The following CDCA7 variants were observed in gnomAD, a reference collection of about 807,000 sequenced individuals.
The protein encoded by CDCA7 is cell division cycle associated 7.
CDCA7 carries 28 observed loss-of-function variants against 54.0 expected under a neutral mutation model. The ratio of observed to expected loss-of-function variants is 0.52; its 90% confidence interval spans 0.38 to 0.71. The LOEUF (loss-of-function observed/expected upper bound fraction) is 0.71. Among genes scored for constraint, CDCA7 ranks in the 30% least tolerant of loss-of-function variants. The pLI is 0.00. For synonymous variants in CDCA7, 180 were observed against 208.2 expected (o/e 0.86, Z 1.16); for missense variants, 484 against 586.0 (o/e 0.83, Z 1.80).
At chr2:173,355,162 G>A (rs1168005305) in intron 1 of CDCA7, among the ~76,000 whole-genome samples, 178 bp downstream of exon 1, 1 of 152,216 alleles carries the variant, frequency 6.6e-6, no homozygotes. Flanking sequence ...GAGGGCCATG[G>A]GGACGTTCCT....
chr2:173,359,591 C>A, intron 3 of CDCA7, 100 bp downstream of exon 3: 1 of 1,051,350 alleles, frequency 9.5e-7, no homozygotes, highest in Non-Finnish European at 1.4e-6. Context: ...TTTAGTCATG[C>A]CAGCAGACTT....
chr2:173,362,919 A>T lies in CDCA7; in HGVS notation c.385-307A>T, dbSNP rs537277928. Among the ~76,000 whole-genome samples the T allele has an allele frequency of 5.6e-4, 85 of 152,278 alleles. 1 individual carries two copies. The highest frequency in any genetic ancestry group is 6.8e-3 in the Middle Eastern group (2 of 294). ...TCTTGTCAGAATTCTTTTAAAATAC[A>T]TAAAGATCTGTTTCTAAAGAAATGA... is the stretch of plus-strand genomic sequence containing the variant. On this transcript the variant is annotated intron_variant, in intron 3 of 9. Coordinates refer to ENST00000306721, the MANE Select transcript of CDCA7 (RefSeq NM_031942.5).
intron 7 of CDCA7, among the ~76,000 whole-genome samples, chr2:173,365,796 G>C (rs906269063): frequency 6.6e-6 from 1 of 152,184 alleles, no homozygotes; most frequent in Non-Finnish European, 1.5e-5. Context: ...TAGTAAGTCT[G>C]TAGTCATGGT....
At position 173,365,700 on chromosome 2, in the gene CDCA7, T is replaced by C. The variant is rs1197724206; in HGVS notation, c.1035+108T>C. ...TAAAGGGCCTAGCATGTGAAATCTG[T>C]ACCTATATGTTTTTTTCACACAAGG... is the stretch of plus-strand genomic sequence containing the variant. On this transcript the variant is annotated intron_variant, in intron 7 of 9. Coordinates refer to ENST00000306721, the MANE Select transcript of CDCA7 (RefSeq NM_031942.5). 7.6e-5 allele frequency: 94 copies of C among 1,234,572 alleles called. 1 individual carries two copies. Among genetic ancestry groups the C allele is most frequent in the Non-Finnish European group, 9.7e-5 (89 of 915,448 alleles). 76.5% of individuals were successfully genotyped at this position (1,234,572 alleles called of 1,614,324 possible).
intron 1 of CDCA7, 149 bp downstream of exon 1, chr2:173,355,133 T>C: frequency 2.1e-6 from 2 of 953,368 alleles, no homozygotes; most frequent in Non-Finnish European, 2.7e-6. Context: ...GCCCCTGATT[T>C]TGTGCACCTG....
chr2:173,358,552 A>T lies in CDCA7; in HGVS notation c.22-160A>T, dbSNP rs185717786. 9.9e-5 allele frequency: 71 copies of T among 720,070 alleles called. No individual in the cohort carries two copies. The African/African-American group carries it at 1.0e-3, about 10-fold the overall frequency. 44.6% of individuals were successfully genotyped at this position (720,070 alleles called of 1,614,324 possible). A position where few individuals can be genotyped will look rare whatever the true frequency, so the allele number is the denominator to read the frequency against. On this transcript the variant is annotated intron_variant, in intron 1 of 9. Transcript: ENST00000306721. ...TTCTTACAAAAAAAAGAAAGAAAAA[A>T]TTTTTTGTAGCAGTTAACAAACTTC...
At position 173,366,850 on chromosome 2, in the gene CDCA7, G is replaced by T. The variant is rs926498128; in HGVS notation, c.1186-300G>T. On this transcript the variant is annotated intron_variant, in intron 8 of 9. Coordinates refer to ENST00000306721, the MANE Select transcript of CDCA7 (RefSeq NM_031942.5). This position sits in a 1 kb window ranked among gnomAD's most constrained non-coding sequence, Gnocchi z 4.5. ...TGTGAGCCACCACGCCCGGCCCAGG[G>T]TGCTCTTAATTCAGAACACAAATGA... is the stretch of plus-strand genomic sequence containing the variant. 3.3e-5 allele frequency among the ~76,000 whole-genome samples: 5 copies of T among 152,110 alleles called. No homozygotes were observed. Among genetic ancestry groups the T allele is most frequent in the Non-Finnish European group, 7.4e-5 (5 of 68,014 alleles).
In CDCA7 at chr2:173,366,181, T is replaced by G. The variant is rs551832842; in HGVS notation, c.1036-102T>G. The G allele has an allele frequency of 7.4e-7, 1 of 1,349,000 alleles. No homozygotes were observed. Among genetic ancestry groups the G allele is most frequent in the Non-Finnish European group, 1.0e-6 (1 of 990,604 alleles). 83.6% of individuals were successfully genotyped at this position (1,349,000 alleles called of 1,614,324 possible). ...TGTATGTAGAGATTCATAGACAAAA[T>G]GTAAGCCTATACTACGAAGAGGGAC... On this transcript the variant is annotated intron_variant, in intron 7 of 9. Coordinates refer to ENST00000306721, the MANE Select transcript of CDCA7 (RefSeq NM_031942.5). The surrounding 1 kb of genome is among the most constrained non-coding windows in gnomAD (Gnocchi z 4.5).
rs1574222791 is a variant in CDCA7 at position 173,367,595 on chromosome 2, A to T, written c.1323-39A>T. The T allele has an allele frequency of 3.1e-6, 5 of 1,612,186 alleles. No homozygotes were observed. In the East Asian group the frequency reaches 1.1e-4, roughly 36 times the overall value. On this transcript the variant is annotated intron_variant, in intron 9 of 9. Coordinates refer to ENST00000306721, the MANE Select transcript of CDCA7 (RefSeq NM_031942.5). The stretch of plus-strand genomic sequence containing the variant: ...CTTTCAAAAGAGAATTCTTTGGTTG[A>T]AAACTATGTCCTGACACATTTCCTT...
chr2:173,359,248 T>G lies in CDCA7; in HGVS notation c.148-7T>G. 3 of 1,600,820 alleles carry G rather than the reference T, an allele frequency of 1.9e-6. No homozygotes were observed. The highest frequency in any genetic ancestry group is 2.6e-6 in the Non-Finnish European group (3 of 1,171,772). On this transcript the variant is annotated splice_region_variant and splice_polypyrimidine_tract_variant and intron_variant, in intron 2 of 9. Coordinates refer to ENST00000306721, the MANE Select transcript of CDCA7 (RefSeq NM_031942.5). ...TGCACAACCGCATTTATTTATTTAT[T>G]TTACAGAAACCTAAATTCAGGTCAG...
chr2:173,359,121 A>G, intron 2 of CDCA7, 134 bp from the exon 3 acceptor site: 1 of 802,548 alleles, frequency 1.2e-6, no homozygotes, highest in Non-Finnish European at 1.9e-6. Flanking sequence ...CCTCTGAACC[A>G]TTTTTCTTTG....
At chr2:173,363,562 G>A in intron 4 of CDCA7, 100 bp downstream of exon 4, 2 of 1,204,784 alleles carry the variant, frequency 1.7e-6, no homozygotes, top group East Asian at 2.3e-5. Context: ...TCTGTTACAT[G>A]AATAAAAAGT....
intron 6 of CDCA7, 71 bp from the exon 7 acceptor site, chr2:173,365,381 T>C (rs550251782): frequency 6.6e-7 from 1 of 1,509,000 alleles, no homozygotes; most frequent in Non-Finnish European, 9.0e-7. Flanking sequence ...TTTGAATCTG[T>C]TTTTTCAGTT....
At chr2:173,361,607 C>T (rs541744320) in intron 3 of CDCA7, among the ~76,000 whole-genome samples, 3 of 151,838 alleles carry the variant, frequency 2.0e-5, no homozygotes, top group Non-Finnish European at 2.9e-5. Flanking sequence ...TGTGCCACCA[C>T]ACCTGGCTAA....
In CDCA7 at chr2:173,365,550, C is replaced by T. The variant is rs762377778; in HGVS notation, c.993C>T (p.Asn331=). Residue 331 remains asparagine (N), a synonymous_variant, in exon 7 of 10, where the codon AAC becomes AAT. Coordinates refer to ENST00000306721, the MANE Select transcript of CDCA7 (RefSeq NM_031942.5). The part of the protein sequence containing the change: ...VEEITEEELE[N]VCSNSREKIY... Reference sequence around the variant, plus strand: ...AAATTACAGAGGAGGAGTTGGAGAACGTCTGCAGCAATTCTCGAGAGAAGA... The same window carrying T: ...AAATTACAGAGGAGGAGTTGGAGAATGTCTGCAGCAATTCTCGAGAGAAGA... 2.1e-4 allele frequency: 346 copies of T among 1,614,020 alleles called. No homozygotes were observed. The highest frequency in any genetic ancestry group is 2.8e-4 in the Non-Finnish European group (325 of 1,180,026).
In CDCA7 at chr2:173,363,366, G is replaced by C. The variant is rs1311755104; in HGVS notation, c.525G>C (p.Glu175Asp). The C allele has an allele frequency of 6.2e-7, 1 of 1,614,176 alleles. No individual in the cohort carries two copies. Among genetic ancestry groups the C allele is most frequent in the Non-Finnish European group, 8.5e-7 (1 of 1,180,036 alleles). ...NKKAESRQPS[E>D]NSVTDSNSDS... is the part of the protein sequence containing the mutation. ...AAGCAGAGTCCCGCCAGCCCTCAGAGAATTCTGTGACTGATTCCAACTCCG... is the reference window on the plus strand; with the variant it reads ...AAGCAGAGTCCCGCCAGCCCTCAGACAATTCTGTGACTGATTCCAACTCCG... The change falls in exon 4 of 10, where the codon GAG becomes GAC. Residue 175 changes from glutamate to aspartate, a missense_variant. Around this residue, in one of 3 missense-constraint regions of CDCA7, gnomAD observed 398 missense variants for 447.4 expected, o/e 0.89. Transcript: ENST00000306721.
chr2:173,355,287 C>T (rs559054810), intron 1 of CDCA7, among the ~76,000 whole-genome samples: 238 of 152,340 alleles, frequency 1.6e-3, no homozygotes, highest in Non-Finnish European at 2.7e-3. Flanking sequence ...GGACAGCGGC[C>T]GGGAGCGCTG....
chr2:173,361,031 A>G (rs1686611393), intron 3 of CDCA7, among the ~76,000 whole-genome samples: 1 of 152,172 alleles, frequency 6.6e-6, no homozygotes, highest in Non-Finnish European at 1.5e-5. Context: ...TGGATATTTC[A>G]TAAAAATTGA....
Position 173,365,004 on chromosome 2 carries a change from T to C in CDCA7, c.894+15T>C. ...GCTACATGAATGTGAGTTCTCCGCA[T>C]TGGTACTTGCTCTTCTGATTCTCAT... On this transcript the variant is annotated intron_variant, in intron 6 of 9. Coordinates refer to ENST00000306721, the MANE Select transcript of CDCA7 (RefSeq NM_031942.5). The C allele has an allele frequency of 6.4e-7, 1 of 1,556,980 alleles. No homozygotes were observed. Among genetic ancestry groups the C allele is most frequent in the East Asian group, 2.3e-5 (1 of 43,496 alleles).
Sources: gnomAD v4.1 joint callset for allele counts (sites outside exome capture counted in the v4.1 genomes callset) on GRCh38, gnomAD v4.1.1 for gene constraint, gnomAD v4.1.1 regional missense constraint, Gnocchi (gnomAD v3.1) non-coding constraint, MANE v1.5 for transcripts, NCBI Gene and HGNC (gene_info 2026-07-23, HGNC 2026-07-21) for gene names.